Variants in SNTG1 observed in about 807,000 individuals in gnomAD.
SNTG1 encodes the protein syntrophin gamma 1.
In SNTG1, 39 loss-of-function variants were observed where a neutral mutation model predicts 74.7. That is an observed-to-expected ratio of 0.52 (90% CI 0.40 to 0.68). The LOEUF is 0.68. SNTG1 is among the 30% of genes least tolerant of loss of function. The pLI, the probability that SNTG1 is intolerant of heterozygous loss-of-function variation, is 0.00. For missense variants in SNTG1, 685 were observed against 609.5 expected (o/e 1.12, Z -1.30); for synonymous variants, 254 against 217.1 (o/e 1.17, Z -1.49).
At chr8:50,692,599 G>A (rs539993603) in intron 15 of SNTG1, among the ~76,000 whole-genome samples, 9 of 152,220 alleles carry the variant, frequency 5.9e-5, no homozygotes, top group South Asian at 4.1e-4. Flanking sequence ...CTGCCTGATC[G>A]TTCCTCTGGA....
At chr8:50,590,980 A>C in intron 13 of SNTG1, 63 bp downstream of exon 13, 3 of 1,159,320 alleles carry the variant, frequency 2.6e-6, no homozygotes, top group Middle Eastern at 2.3e-4. Context: ...TGATTATAGA[A>C]GATAACGTTA....
intron 1 of SNTG1, among the ~76,000 whole-genome samples, chr8:50,080,752 C>T (rs756609021): frequency 2.0e-5 from 3 of 152,040 alleles, no homozygotes; most frequent in Non-Finnish European, 2.9e-5. Flanking sequence ...GCTGACACAG[C>T]CAATATGCAA....
At chr8:50,537,105 G>A (rs1020642802) in intron 11 of SNTG1, among the ~76,000 whole-genome samples, 3 of 151,986 alleles carry the variant, frequency 2.0e-5, no homozygotes, top group African/African-American at 7.2e-5. Context: ...CAAGAATATT[G>A]CATAGTTTAT....
chr8:50,131,307 T>G (rs2081309419), intron 1 of SNTG1, among the ~76,000 whole-genome samples: 1 of 152,150 alleles, frequency 6.6e-6, no homozygotes, highest in Non-Finnish European at 1.5e-5. Flanking sequence ...TTCTTGAATT[T>G]TTTTGCAGCT....
intron 18 of SNTG1, among the ~76,000 whole-genome samples, chr8:50,757,008 C>T (rs1318585286): frequency 6.6e-6 from 1 of 151,690 alleles, no homozygotes; most frequent in African/African-American, 2.4e-5. Context: ...ACTTACCTGA[C>T]ATGTGACCGA....
intron 1 of SNTG1, among the ~76,000 whole-genome samples, chr8:49,932,825 T>G (rs990314211): frequency 1.3e-5 from 2 of 152,170 alleles, no homozygotes; most frequent in Non-Finnish European, 2.9e-5. Context: ...TCCATCCCTA[T>G]GGACTTTCCT....
intron 1 of SNTG1, among the ~76,000 whole-genome samples, chr8:50,082,887 G>A (rs1586190595): frequency 6.6e-6 from 1 of 152,000 alleles, no homozygotes. Context: ...ATTACATCCC[G>A]TGCTACTCCT....
rs1359018389 is a variant in SNTG1, at chr8:50,796,126, G to C, written c.*3297G>C. On this transcript the variant is annotated 3_prime_UTR_variant, in exon 19 of 19. Coordinates refer to ENST00000642720, the MANE Select transcript of SNTG1 (RefSeq NM_018967.5). Reference sequence around the variant, plus strand: ...ATCATGAACTTTGTCTATGTTGAATGCTGGATTTAAGAAAAGCTTGATTTA... The same window carrying C: ...ATCATGAACTTTGTCTATGTTGAATCCTGGATTTAAGAAAAGCTTGATTTA... 1 of 151,986 alleles carries C rather than the reference G, an allele frequency of 6.6e-6. No individual in the cohort carries two copies. Among genetic ancestry groups the C allele is most frequent in the Non-Finnish European group, 1.5e-5 (1 of 67,948 alleles). 9.4% of individuals were successfully genotyped at this position (151,986 alleles called of 1,614,324 possible).
chr8:50,303,469 T>A (rs2089739527), intron 2 of SNTG1, among the ~76,000 whole-genome samples: 1 of 151,974 alleles, frequency 6.6e-6, no homozygotes, highest in South Asian at 2.1e-4. Flanking sequence ...TGCTTAAAAA[T>A]AATATAAAAC....
intron 18 of SNTG1, among the ~76,000 whole-genome samples, chr8:50,776,573 T>C (rs1183512593): frequency 6.7e-6 from 1 of 149,884 alleles, no homozygotes; most frequent in Admixed American, 6.7e-5. Flanking sequence ...TTCATTTACA[T>C]ATAGTAAGAA....
intron 1 of SNTG1, among the ~76,000 whole-genome samples, chr8:50,057,287 T>G (rs1820105420): frequency 6.6e-6 from 1 of 152,052 alleles, no homozygotes; most frequent in African/African-American, 2.4e-5. Flanking sequence ...GCTGCACAGG[T>G]AACTTAAGCT....
At chr8:50,665,432 G>A (rs968641892) in intron 15 of SNTG1, among the ~76,000 whole-genome samples, 1 of 151,852 alleles carries the variant, frequency 6.6e-6, no homozygotes, top group African/African-American at 2.4e-5. Context: ...GTGTGTGCAT[G>A]CATGTATATG....
At chr8:50,016,355 C>A (rs561654866) in intron 1 of SNTG1, among the ~76,000 whole-genome samples, 1 of 152,048 alleles carries the variant, frequency 6.6e-6, no homozygotes. Context: ...CATGAGGCAC[C>A]CACTTATCAA....
chr8:50,552,882 A>C (rs1215527523), intron 11 of SNTG1, among the ~76,000 whole-genome samples, 168 bp from the exon 12 acceptor site: 1 of 152,214 alleles, frequency 6.6e-6, no homozygotes, highest in Non-Finnish European at 1.5e-5. Flanking sequence ...GTCTATCTTC[A>C]GTGTTTCATT....
intron 1 of SNTG1, among the ~76,000 whole-genome samples, chr8:49,952,683 G>A (rs540887049): frequency 2.6e-5 from 4 of 152,334 alleles, no homozygotes; most frequent in African/African-American, 7.2e-5. Flanking sequence ...TTGTGCAGAG[G>A]CTGATGCCAC....
rs931866806 is a variant in SNTG1, at chr8:50,611,115, A to T, written c.849+20198A>T. 6.6e-5 allele frequency among the ~76,000 whole-genome samples: 10 copies of T among 152,326 alleles called. No homozygotes were observed. The South Asian group carries it at 2.1e-3, about 32-fold the overall frequency. ...TAACTCGGCCTGAAGAGGAAAGGAAAGGGAACTGTTATATTAATTATTAAA... is the reference window on the plus strand; with the variant it reads ...TAACTCGGCCTGAAGAGGAAAGGAATGGGAACTGTTATATTAATTATTAAA... On this transcript the variant is annotated intron_variant, in intron 13 of 18. Transcript: ENST00000642720.
intron 12 of SNTG1, among the ~76,000 whole-genome samples, chr8:50,589,999 T>C (rs1298774680): frequency 2.0e-5 from 3 of 152,200 alleles, no homozygotes; most frequent in Non-Finnish European, 2.9e-5. Flanking sequence ...GTAAATCTGT[T>C]CTTGTAGATG....
intron 15 of SNTG1, among the ~76,000 whole-genome samples, chr8:50,688,795 A>T (rs1261979909): frequency 6.6e-6 from 1 of 151,946 alleles, no homozygotes; most frequent in Non-Finnish European, 1.5e-5. Flanking sequence ...TCTGTGAAGA[A>T]AGTCATTGGT....
intron 2 of SNTG1, among the ~76,000 whole-genome samples, chr8:50,309,770 G>A (rs1295220005): frequency 6.6e-6 from 1 of 152,118 alleles, no homozygotes; most frequent in Non-Finnish European, 1.5e-5. Flanking sequence ...GCTTTAACCA[G>A]TTATCTTCCA....
Sources: allele counts gnomAD v4.1 joint callset (sites outside exome capture counted in the v4.1 genomes callset), GRCh38; gene constraint gnomAD v4.1.1; transcripts MANE v1.5; gene names NCBI Gene and HGNC (gene_info 2026-07-23, HGNC 2026-07-21).